The following CDK18 variants were observed in gnomAD, a reference collection of about 807,000 sequenced individuals.
CDK18 encodes the protein cyclin dependent kinase 18, also known as cyclin-dependent kinase 18.
Under a neutral mutation model 62.0 loss-of-function variants are expected in CDK18, and 52 were observed. That is an observed-to-expected ratio of 0.84 (90% confidence interval 0.67 to 1.06). CDK18 has a LOEUF of 1.06. Among genes scored for constraint, CDK18 ranks in the 50% least tolerant of loss-of-function variants. The pLI is 0.00. For missense variants in CDK18, 604 were observed against 619.9 expected (o/e 0.97, Z 0.27); for synonymous variants, 237 against 247.0 (o/e 0.96, Z 0.38).
At chr1:205,529,223 C>T in intron 11 of CDK18, 101 bp from the exon 12 acceptor site, 3 of 1,359,436 alleles carry the variant, frequency 2.2e-6, no homozygotes, top group Non-Finnish European at 2.0e-6. Flanking sequence ...CCCCTGTGGC[C>T]TCGGCCATCT....
At chr1:205,505,774 C>T (rs958313294) in intron 1 of CDK18, among the ~76,000 whole-genome samples, 1 of 152,046 alleles carries the variant, frequency 6.6e-6, no homozygotes, top group African/African-American at 2.4e-5. Flanking sequence ...CTCCTAGGCA[C>T]CAGCCCTGCC....
intron 1 of CDK18, among the ~76,000 whole-genome samples, chr1:205,515,572 T>C (rs955696908): frequency 2.0e-5 from 3 of 152,186 alleles, no homozygotes; most frequent in Non-Finnish European, 4.4e-5. Flanking sequence ...GGAGGCCAAG[T>C]ATTATTCTCA....
chr1:205,523,506 A>G lies in CDK18; in HGVS notation c.154A>G (p.Arg52Gly). Residue 52 changes from arginine to glycine, a missense_variant, in exon 3 of 16, where the codon AGA (arginine) becomes GGA (glycine). Transcript: ENST00000429964. ...NENLQLGPLGRDPPQECSTFS... is the reference protein window; with the variant it reads ...NENLQLGPLGGDPPQECSTFS... ...AGACTTGCAGCTCGGTCCTCTTGGC[A>G]GAGACCCCCCGCAGGAGTGCAGCAC... 6.2e-7 allele frequency: 1 copy of G among 1,605,210 alleles called. No homozygotes were observed. The highest frequency in any genetic ancestry group is 8.5e-7 in the Non-Finnish European group (1 of 1,176,444).
In CDK18 at chr1:205,527,716, G is replaced by A; in HGVS notation, c.730-78G>A. 9.9e-6 allele frequency: 14 copies of A among 1,415,704 alleles called. No individual in the cohort carries two copies. The highest frequency in any genetic ancestry group is 1.3e-5 in the Non-Finnish European group (13 of 1,010,802). 87.7% of individuals were successfully genotyped at this position (1,415,704 alleles called of 1,614,324 possible). ...GTGCTGACCTCACTGCCAAGCCCCT[G>A]CCCCCATCCTGGTCCCAGCCTTGGA... is the stretch of plus-strand genomic sequence containing the variant. On this transcript the variant is annotated intron_variant, in intron 8 of 15. Transcript: ENST00000429964. This position sits in a 1 kb window ranked among gnomAD's most constrained non-coding sequence, Gnocchi z 4.1.
rs553567387 is a variant in CDK18 at position 205,513,923 on chromosome 1, C to T, written c.-22+9127C>T. Among the ~76,000 whole-genome samples, 417 of 152,340 alleles carry T rather than the reference C, an allele frequency of 2.7e-3. 1 individual carries two copies. Among genetic ancestry groups the T allele is most frequent in the African/African-American group, 9.3e-3 (388 of 41,576 alleles). On this transcript the variant is annotated intron_variant, in intron 1 of 15. Coordinates refer to ENST00000429964, the MANE Select transcript of CDK18 (RefSeq NM_212502.3). ...GCCCCCACTGCCTCAGCCCATCTCC[C>T]GCTGCTGTTGGGCCACATGCTGGCT...
intron 5 of CDK18, 137 bp downstream of exon 5, chr1:205,525,332 A>G (rs1668371154): frequency 1.8e-6 from 1 of 553,326 alleles, no homozygotes; most frequent in African/African-American, 1.9e-5. Flanking sequence ...AGAGGTGCAC[A>G]GTCTTGGCTG....
chr1:205,510,707 C>G (rs114942758), intron 1 of CDK18, among the ~76,000 whole-genome samples: 5,799 of 152,378 alleles, frequency 0.038, 203 homozygotes, highest in Admixed American at 0.12. Context: ...CCCAGCTCTG[C>G]CCTGTCACCC....
intron 5 of CDK18, 26 bp from the exon 6 acceptor site, chr1:205,526,039 G>A (rs1472862187): frequency 6.4e-7 from 1 of 1,563,814 alleles, no homozygotes; most frequent in South Asian, 1.1e-5. Flanking sequence ...GAATGCGCCT[G>A]GGGCCGCTGT....
intron 8 of CDK18, 59 bp downstream of exon 8, chr1:205,526,896 G>T (rs1264945085): frequency 5.7e-6 from 8 of 1,393,822 alleles, no homozygotes; most frequent in African/African-American, 1.4e-5. Flanking sequence ...GAAGCCCAGT[G>T]TGGGGACCCA....
chr1:205,525,602 G>A (rs2102311036), intron 5 of CDK18, among the ~76,000 whole-genome samples: 1 of 152,302 alleles, frequency 6.6e-6, no homozygotes, highest in Non-Finnish European at 1.5e-5. Flanking sequence ...TTATTGTGAG[G>A]ATTGGGCAGG....
chr1:205,514,873 C>T (rs1293791802), intron 1 of CDK18, among the ~76,000 whole-genome samples: 1 of 152,206 alleles, frequency 6.6e-6, no homozygotes, highest in East Asian at 1.9e-4. Context: ...GGAAGCATCT[C>T]ATTCTACCTA....
intron 1 of CDK18, among the ~76,000 whole-genome samples, chr1:205,515,041 G>C (rs1294432591): frequency 6.6e-6 from 1 of 152,142 alleles, no homozygotes; most frequent in East Asian, 1.9e-4. Context: ...GGGAATGCCA[G>C]GTACATTTGA....
intron 11 of CDK18, 30 bp from the exon 12 acceptor site, chr1:205,529,294 G>A: frequency 6.3e-7 from 1 of 1,590,838 alleles, no homozygotes. Context: ...GCCTCACGCA[G>A]GCCCTCCCCA....
rs7529442 is a variant in CDK18 at position 205,523,628 on chromosome 1, A to G, written c.273+3A>G. ...ACCAGCGCCGCTTCTCCATGGAGGT[A>G]AGGGCCTCTGGAGCTCTGCCCCGGC... On this transcript the variant is annotated splice_donor_region_variant and intron_variant, in intron 3 of 15. Transcript: ENST00000429964. 1,506,338 of 1,565,056 alleles carry G rather than the reference A, an allele frequency of 0.96. 725,895 individuals carry two copies. The highest frequency in any genetic ancestry group is 0.98 in the South Asian group (83,559 of 85,104).
At chr1:205,518,710 C>T (rs10900500) in intron 1 of CDK18, among the ~76,000 whole-genome samples, 69,108 of 152,088 alleles carry the variant, frequency 0.45, 16,472 homozygotes, top group East Asian at 0.71. Context: ...TCTTCCCCTG[C>T]TAACATTCTG....
In CDK18 at chr1:205,523,593, C is replaced by T. The variant is rs370210105; in HGVS notation, c.241C>T (p.Arg81Trp). 5.7e-5 allele frequency: 90 copies of T among 1,585,474 alleles called. 1 individual carries two copies. The highest frequency in any genetic ancestry group is 4.6e-4 in the African/African-American group (34 of 74,520). The stretch of plus-strand genomic sequence containing the variant: ...GCTCTCCCCTGGCGTGCAGTTCCAG[C>T]GGCGGCAGAACCAGCGCCGCTTCTC... ...GQLSPGVQFQRRQNQRRFSME... is the reference protein window; with the variant it reads ...GQLSPGVQFQWRQNQRRFSME... The change falls in exon 3 of 16, where the codon CGG becomes TGG. Residue 81 changes from arginine to tryptophan, a missense_variant. By Grantham distance (101) the Arg-to-Trp change is moderately radical. Coordinates refer to ENST00000429964, the MANE Select transcript of CDK18 (RefSeq NM_212502.3).
At chr1:205,526,637 G>T (rs547300456) in intron 7 of CDK18, 138 bp from the exon 8 acceptor site, 9 of 961,568 alleles carry the variant, frequency 9.4e-6, no homozygotes, top group Middle Eastern at 2.3e-4. Flanking sequence ...TCAGGCTTAC[G>T]GGTGGCTCGA....
intron 1 of CDK18, among the ~76,000 whole-genome samples, chr1:205,508,509 G>A (rs1313472979): frequency 6.6e-6 from 1 of 152,204 alleles, no homozygotes; most frequent in East Asian, 1.9e-4. Flanking sequence ...CAGACCTCCT[G>A]TCTGAAAGAG....
chr1:205,523,999 A>G (rs903872780), intron 3 of CDK18, among the ~76,000 whole-genome samples: 1 of 152,224 alleles, frequency 6.6e-6, no homozygotes, highest in African/African-American at 2.4e-5. Flanking sequence ...TGTGGCCCAG[A>G]GAGGCAGAGA....
Sources: gnomAD v4.1 joint callset for allele counts (sites outside exome capture counted in the v4.1 genomes callset) on GRCh38, gnomAD v4.1.1 for gene constraint, Gnocchi (gnomAD v3.1) non-coding constraint, MANE v1.5 for transcripts, NCBI Gene and HGNC (gene_info 2026-07-23, HGNC 2026-07-21) for gene names.